KCNAB1: variants seen among roughly 807,000 people sequenced by gnomAD.
KCNAB1 encodes voltage-gated potassium channel subunit beta-1.
KCNAB1 carries 35 observed loss-of-function variants against 64.6 expected under a neutral mutation model. That is an observed-to-expected ratio of 0.54 (90% CI 0.41 to 0.72). KCNAB1 has a LOEUF of 0.72. KCNAB1 is among the 30% of genes least tolerant of loss of function. The probability of loss-of-function intolerance (pLI) is 0.00; values close to 1 mark genes in which losing one functional copy is unlikely to be tolerated. For synonymous variants in KCNAB1, 177 were observed against 183.8 expected (o/e 0.96, Z 0.30); for missense variants, 401 against 512.9 (o/e 0.78, Z 2.11).
At position 156,218,889 on chromosome 3, in the gene KCNAB1, C is replaced by T. The variant is rs1225853466; in HGVS notation, c.275+98003C>T. ...TCACTGCAGTTTGGCTCTCAGGAAG[C>T]CTCATTCCTAGGGGAAGGGGGAGAA... On this transcript the variant is annotated intron_variant, in intron 1 of 13. Transcript: ENST00000490337. 2.6e-5 allele frequency among the ~76,000 whole-genome samples: 4 copies of T among 151,028 alleles called. No homozygotes were observed. The East Asian group carries it at 7.8e-4, about 29-fold the overall frequency.
intron 8 of KCNAB1, 44 bp downstream of exon 8, chr3:156,474,864 A>C: frequency 7.3e-7 from 1 of 1,378,224 alleles, no homozygotes; most frequent in Non-Finnish European, 1.0e-6. Flanking sequence ...ATCTTGATTC[A>C]GTTTGAGGGC....
intron 1 of KCNAB1, among the ~76,000 whole-genome samples, chr3:156,200,273 G>A (rs1323932538): frequency 6.6e-6 from 1 of 152,210 alleles, no homozygotes; most frequent in Non-Finnish European, 1.5e-5. Flanking sequence ...CTGCTAGGAG[G>A]TGTCTCCCAG....
At chr3:156,272,396 G>A (rs914220518) in intron 1 of KCNAB1, among the ~76,000 whole-genome samples, 2 of 152,120 alleles carry the variant, frequency 1.3e-5, no homozygotes, top group Non-Finnish European at 1.5e-5. Flanking sequence ...CTATTCTACT[G>A]TGACTAAGCT....
chr3:156,536,252 C>T (rs1719049726), intron 13 of KCNAB1, among the ~76,000 whole-genome samples: 1 of 152,138 alleles, frequency 6.6e-6, no homozygotes, highest in South Asian at 2.1e-4. Context: ...GACTTAGTAC[C>T]AAAAACAACT....
At chr3:156,519,704 C>G (rs1423125461) in intron 11 of KCNAB1, among the ~76,000 whole-genome samples, 1 of 152,192 alleles carries the variant, frequency 6.6e-6, no homozygotes, top group Non-Finnish European at 1.5e-5. Flanking sequence ...TCATGACTTT[C>G]CATCTTCTCT....
chr3:156,255,157 G>T (rs748378584), intron 1 of KCNAB1, among the ~76,000 whole-genome samples: 1 of 152,156 alleles, frequency 6.6e-6, no homozygotes, highest in Non-Finnish European at 1.5e-5. Context: ...AGGCTACTTT[G>T]TTCCAACAAA....
At chr3:156,481,616 G>A (rs1714810767) in intron 8 of KCNAB1, among the ~76,000 whole-genome samples, 1 of 152,016 alleles carries the variant, frequency 6.6e-6, no homozygotes, top group Non-Finnish European at 1.5e-5. Context: ...GGACAGTAGG[G>A]TTCACTTCAG....
At chr3:156,534,931 TA>T (rs1386167733) in intron 13 of KCNAB1, among the ~76,000 whole-genome samples, 1 of 152,202 alleles carries the variant, frequency 6.6e-6, no homozygotes, top group African/African-American at 2.4e-5. Context: ...TTTTAATGTT[TA>T]AATCTCTTTC....
intron 1 of KCNAB1, among the ~76,000 whole-genome samples, chr3:156,241,409 A>G (rs1162315366): frequency 6.6e-6 from 1 of 152,192 alleles, no homozygotes; most frequent in Non-Finnish European, 1.5e-5. Context: ...ATTATGCTCT[A>G]TGGACTGTAT....
intron 1 of KCNAB1, among the ~76,000 whole-genome samples, chr3:156,267,321 G>T (rs995123582): frequency 6.6e-6 from 1 of 152,108 alleles, no homozygotes; most frequent in African/African-American, 2.4e-5. Context: ...GCTGACTCTA[G>T]TTATCTCCTC....
rs539378783 is a variant in KCNAB1, at chr3:156,420,132, T to G, written c.276-1484T>G. 9.2e-5 allele frequency among the ~76,000 whole-genome samples: 14 copies of G among 152,300 alleles called. No homozygotes were observed. In the South Asian group the frequency reaches 2.9e-3, roughly 32 times the overall value. On this transcript the variant is annotated intron_variant, in intron 1 of 13. Transcript: ENST00000490337. The stretch of plus-strand genomic sequence containing the variant: ...TTTAGCACCATGTCTGGTTGGAGGG[T>G]AGGAGTCAGAAAGCACCAGAAATCG...
intron 1 of KCNAB1, among the ~76,000 whole-genome samples, chr3:156,177,262 T>C (rs964999550): frequency 6.6e-6 from 1 of 152,206 alleles, no homozygotes; most frequent in Non-Finnish European, 1.5e-5. Flanking sequence ...TCACGTTATG[T>C]GGGGTTCTAA....
intron 1 of KCNAB1, among the ~76,000 whole-genome samples, chr3:156,322,826 C>T (rs1364035223): frequency 2.6e-5 from 4 of 152,152 alleles, no homozygotes; most frequent in Non-Finnish European, 5.9e-5. Context: ...ACTGACTGCT[C>T]CAAGTACTTC....
At chr3:156,139,584 G>GTTGT (rs1714574560) in intron 1 of KCNAB1, among the ~76,000 whole-genome samples, 1 of 55,248 alleles carries the variant, frequency 1.8e-5, no homozygotes, top group South Asian at 8.3e-4. Context: ...ATTGTACTGT[G>GTTGT]TTTTTTTTTT....
intron 1 of KCNAB1, among the ~76,000 whole-genome samples, chr3:156,369,357 G>A (rs1265258718): frequency 1.3e-5 from 2 of 152,172 alleles, no homozygotes; most frequent in Non-Finnish European, 2.9e-5. Context: ...GAACATTAGT[G>A]ATGTTTCCAG....
At chr3:156,476,564 TACAC>T (rs71141710) in intron 8 of KCNAB1, among the ~76,000 whole-genome samples, 8 of 149,842 alleles carry the variant, frequency 5.3e-5, no homozygotes, top group African/African-American at 1.7e-4. Flanking sequence ...CACACACATA[TACAC>T]ACACACACAC....
At chr3:156,532,280 G>GGGAGCTCTAACT (rs1353165860) in intron 13 of KCNAB1, among the ~76,000 whole-genome samples, 2 of 152,098 alleles carry the variant, frequency 1.3e-5, no homozygotes, top group African/African-American at 4.8e-5. Flanking sequence ...GGATGTTCCT[G>GGGAGCTCTAACT]GGAGCTCTAA....
At chr3:156,460,589 C>T (rs1000951632) in intron 5 of KCNAB1, 2 of 152,234 alleles carry the variant, frequency 1.3e-5, no homozygotes, top group African/African-American at 2.4e-5. Flanking sequence ...TTAAGCAAAG[C>T]CCAGCAAAGG....
chr3:156,155,574 C>T (rs35388604), intron 1 of KCNAB1, among the ~76,000 whole-genome samples: 16,862 of 151,784 alleles, frequency 0.11, 1,070 homozygotes, highest in Non-Finnish European at 0.13. Flanking sequence ...TTGAAGTTTC[C>T]GGGGTAAAGA....
Sources: gnomAD v4.1 joint callset for allele counts (sites outside exome capture counted in the v4.1 genomes callset) on GRCh38, gnomAD v4.1.1 for gene constraint, MANE v1.5 for transcripts, NCBI Gene and HGNC (gene_info 2026-07-23, HGNC 2026-07-21) for gene names.